ZC3H12B: variants seen among roughly 807,000 people sequenced by gnomAD.
ZC3H12B encodes the protein zinc finger CCCH-type containing 12B.
Under a neutral mutation model 43.9 loss-of-function variants are expected in ZC3H12B, and 7 were observed. The ratio of observed to expected loss-of-function variants is 0.16; its 90% confidence interval spans 0.09 to 0.30. The LOEUF (loss-of-function observed/expected upper bound fraction) is 0.30. Ranked by LOEUF, ZC3H12B falls within the 10% of genes least tolerant of loss-of-function variation. The pLI is 1.00. For synonymous variants in ZC3H12B, 222 were observed against 241.7 expected (o/e 0.92, Z 0.76); for missense variants, 475 against 670.2 (o/e 0.71, Z 3.22).
At chrX:65,224,545 C>T in the ZC3H12B span, among the ~76,000 whole-genome samples, 27 of 112,594 alleles carry the variant, frequency 2.4e-4, no homozygotes, top group Middle Eastern at 4.6e-3. Context: ...TGCAGTGCAC[C>T]GTGCATGAGC....
the ZC3H12B span, among the ~76,000 whole-genome samples, chrX:65,179,177 C>T: frequency 1.5e-4 from 16 of 109,698 alleles, no homozygotes; most frequent in African/African-American, 5.0e-4. Flanking sequence ...AAACACCACA[C>T]GTTCTCACTC....
chrX:65,344,074 T>C, the ZC3H12B span, among the ~76,000 whole-genome samples: 2 of 112,074 alleles, frequency 1.8e-5, no homozygotes, highest in Non-Finnish European at 3.8e-5. Context: ...CACAGTTTCA[T>C]TCACAATTGC....
chrX:65,061,997 C>T, the ZC3H12B span, among the ~76,000 whole-genome samples: 1 of 112,074 alleles, frequency 8.9e-6, no homozygotes, highest in East Asian at 2.8e-4. Flanking sequence ...ATCCTTTGTC[C>T]ACTTTTTGAT....
the ZC3H12B span, among the ~76,000 whole-genome samples, chrX:65,055,378 T>C: frequency 6.2e-5 from 7 of 112,114 alleles, no homozygotes; most frequent in Middle Eastern, 4.6e-3. Flanking sequence ...GTTTATATGC[T>C]GGATTACGTT....
the ZC3H12B span, among the ~76,000 whole-genome samples, chrX:65,234,185 G>T: frequency 1.2e-4 from 13 of 111,949 alleles, no homozygotes; most frequent in Admixed American, 1.9e-4. Flanking sequence ...TCATTTCAGG[G>T]ATTCAAAGAT....
At chrX:65,286,292 C>T in the ZC3H12B span, among the ~76,000 whole-genome samples, 3 of 111,700 alleles carry the variant, frequency 2.7e-5, no homozygotes, top group Non-Finnish European at 5.6e-5. Flanking sequence ...AAGCCATTCT[C>T]CTAAGTAAAG....
At chrX:65,183,371 A>G in the ZC3H12B span, among the ~76,000 whole-genome samples, 3 of 111,483 alleles carry the variant, frequency 2.7e-5, no homozygotes, top group Non-Finnish European at 5.7e-5. Context: ...CATTTAGTAC[A>G]TATGGACACA....
chrX:65,160,044 G>A, the ZC3H12B span, among the ~76,000 whole-genome samples: 1 of 111,640 alleles, frequency 9.0e-6, no homozygotes, highest in African/African-American at 3.2e-5. Context: ...TCTTTGGTTC[G>A]GATTATATGT....
At chrX:65,098,225 TACACAC>T in the ZC3H12B span, among the ~76,000 whole-genome samples, 38 of 96,188 alleles carry the variant, frequency 4.0e-4, no homozygotes, top group Middle Eastern at 5.5e-3. Flanking sequence ...CATGTCTTAG[TACACAC>T]ACACACACAC....
At chrX:65,350,074 A>G in the ZC3H12B span, among the ~76,000 whole-genome samples, 2 of 111,959 alleles carry the variant, frequency 1.8e-5, no homozygotes, top group Non-Finnish European at 3.8e-5. Flanking sequence ...TTTCAGGCCA[A>G]TATCCCTGAT....
chrX:65,379,105 C>A (rs2066395713), intron 2 of ZC3H12B, among the ~76,000 whole-genome samples: 1 of 112,083 alleles, frequency 8.9e-6, no homozygotes, highest in Non-Finnish European at 1.9e-5. Context: ...TGGAGCCTGC[C>A]ACAGCTCAAG....
At chrX:65,194,370 T>A in the ZC3H12B span, among the ~76,000 whole-genome samples, 1 of 108,190 alleles carries the variant, frequency 9.2e-6, no homozygotes, top group East Asian at 2.9e-4. Flanking sequence ...ATTGTGCACA[T>A]GTACCCTAAA....
intron 2 of ZC3H12B, among the ~76,000 whole-genome samples, chrX:65,373,982 T>TATA (rs756280586): frequency 2.2e-5 from 1 of 45,686 alleles, no homozygotes; most frequent in African/African-American, 3.7e-4. Context: ...TATATATATA[T>TATA]ACTATATATA....
exon 5 of ZC3H12B, chrX:65,506,844 ACT>A (rs1359661343): frequency 9.1e-6 from 1 of 109,922 alleles, no homozygotes; most frequent in Non-Finnish European, 1.9e-5. Context: ...GAGCCATTGC[ACT>A]CTCTCTTAAG....
the ZC3H12B span, among the ~76,000 whole-genome samples, chrX:65,221,814 A>T: frequency 1.8e-5 from 2 of 111,475 alleles, no homozygotes; most frequent in Non-Finnish European, 3.8e-5. Flanking sequence ...ACAAGATATA[A>T]AAAAAAGGAA....
chrX:65,398,438 C>T (rs1602380707), intron 2 of ZC3H12B, among the ~76,000 whole-genome samples, 155 bp from the exon 5 acceptor site: 1 of 111,692 alleles, frequency 9.0e-6, no homozygotes, highest in Admixed American at 9.5e-5. Flanking sequence ...TTGTAATCCC[C>T]ATGTGTCAGG....
At chrX:65,065,394 C>T in the ZC3H12B span, among the ~76,000 whole-genome samples, 1 of 111,595 alleles carries the variant, frequency 9.0e-6, no homozygotes. Flanking sequence ...TTCTCTATTG[C>T]TTATGAAGCT....
chrX:65,472,974 G>GTGTATATATATATATATATATA (rs1386918548), intron 3 of ZC3H12B, among the ~76,000 whole-genome samples: 2 of 77,448 alleles, frequency 2.6e-5, no homozygotes, highest in East Asian at 3.5e-4. Context: ...GTGTATGTGT[G>GTGTATATATATATATATATATA]TGTATATATA....
At chrX:65,073,353 C>T in the ZC3H12B span, among the ~76,000 whole-genome samples, 1 of 111,928 alleles carries the variant, frequency 8.9e-6, no homozygotes, top group Non-Finnish European at 1.9e-5. Context: ...CTGTGGGGGC[C>T]ACTCTGCTGG....
Sources: allele counts gnomAD v4.1 joint callset (sites outside exome capture counted in the v4.1 genomes callset), GRCh38; gene constraint gnomAD v4.1.1; transcripts MANE v1.5; gene names NCBI Gene and HGNC (gene_info 2026-07-23, HGNC 2026-07-21).